ARHGAP15: variants seen among roughly 807,000 people sequenced by gnomAD.
ARHGAP15 encodes Rho GTPase activating protein 15, also known as rho GTPase-activating protein 15.
ARHGAP15 carries 51 observed loss-of-function variants against 63.7 expected under a neutral mutation model. The ratio of observed to expected loss-of-function variants is 0.80; its 90% CI spans 0.64 to 1.01. The LOEUF (loss-of-function observed/expected upper bound fraction) is 1.01. Among genes scored for constraint, ARHGAP15 ranks in the 50% least tolerant of loss-of-function variants. The probability of loss-of-function intolerance (pLI) is 0.00; values close to 1 mark genes in which losing one functional copy is unlikely to be tolerated. For missense variants in ARHGAP15, 560 were observed against 564.6 expected (o/e 0.99, Z 0.08); for synonymous variants, 191 against 193.8 (o/e 0.99, Z 0.12).
chr2:143,347,828 T>G (rs1011811277), intron 6 of ARHGAP15, among the ~76,000 whole-genome samples: 5 of 151,966 alleles, frequency 3.3e-5, no homozygotes, highest in African/African-American at 1.2e-4. Context: ...TTTTTTTTTT[T>G]TTTGGCACCA....
At chr2:143,349,568 C>T (rs943672093) in intron 6 of ARHGAP15, among the ~76,000 whole-genome samples, 1 of 152,136 alleles carries the variant, frequency 6.6e-6, no homozygotes, top group African/African-American at 2.4e-5. Context: ...CCAATTAATG[C>T]ATTCTATTTT....
chr2:143,401,434 G>A (rs771270858), intron 6 of ARHGAP15, among the ~76,000 whole-genome samples: 3 of 151,742 alleles, frequency 2.0e-5, no homozygotes, highest in Non-Finnish European at 4.4e-5. Flanking sequence ...ATTCCATGTG[G>A]GAATATTACA....
chr2:143,544,127 C>G (rs11694505), intron 10 of ARHGAP15, among the ~76,000 whole-genome samples: 38,590 of 152,030 alleles, frequency 0.25, 5,439 homozygotes, highest in East Asian at 0.42. Flanking sequence ...CTTTTCAGCT[C>G]TATTCCAGAT....
At chr2:143,478,518 A>G (rs2105207434) in intron 8 of ARHGAP15, among the ~76,000 whole-genome samples, 1 of 152,288 alleles carries the variant, frequency 6.6e-6, no homozygotes, top group East Asian at 1.9e-4. Flanking sequence ...AGGGCAGGGA[A>G]TCAGACACCA....
At chr2:143,738,372 C>G (rs1685835803) in intron 13 of ARHGAP15, among the ~76,000 whole-genome samples, 1 of 152,140 alleles carries the variant, frequency 6.6e-6, no homozygotes, top group African/African-American at 2.4e-5. Context: ...CGAATAAAGG[C>G]ACATTTCAAT....
intron 2 of ARHGAP15, among the ~76,000 whole-genome samples, chr2:143,184,190 T>A (rs1352406718): frequency 6.6e-6 from 1 of 152,192 alleles, no homozygotes; most frequent in South Asian, 2.1e-4. Flanking sequence ...GGCAAGATTC[T>A]TGGTGAGGCA....
intron 11 of ARHGAP15, among the ~76,000 whole-genome samples, chr2:143,593,731 A>G (rs892998273): frequency 6.6e-6 from 1 of 152,218 alleles, no homozygotes; most frequent in Non-Finnish European, 1.5e-5. Context: ...AGATAAAACT[A>G]TTTATTGAGT....
intron 12 of ARHGAP15, among the ~76,000 whole-genome samples, chr2:143,636,834 A>C (rs1680341432): frequency 6.6e-6 from 1 of 152,096 alleles, no homozygotes; most frequent in South Asian, 2.1e-4. Context: ...CTATAGCAAA[A>C]TACCAGAGAG....
intron 6 of ARHGAP15, among the ~76,000 whole-genome samples, chr2:143,315,014 T>C (rs1346500661): frequency 6.6e-6 from 1 of 152,260 alleles, no homozygotes; most frequent in Non-Finnish European, 1.5e-5. Flanking sequence ...TCTTTATTTT[T>C]ATGTATGTAT....
At chr2:143,678,009 A>T (rs552807140) in intron 12 of ARHGAP15, among the ~76,000 whole-genome samples, 110 of 152,302 alleles carry the variant, frequency 7.2e-4, no homozygotes, top group Non-Finnish European at 1.3e-3. Flanking sequence ...GGAGTCCAAG[A>T]CCAGCCTGGG....
intron 6 of ARHGAP15, among the ~76,000 whole-genome samples, chr2:143,422,657 G>A (rs916052516): frequency 2.0e-5 from 3 of 152,072 alleles, no homozygotes; most frequent in East Asian, 1.9e-4. Flanking sequence ...TGCCTTGAAC[G>A]CAAGTATGGA....
chr2:143,327,498 A>G (rs1684310057), intron 6 of ARHGAP15, among the ~76,000 whole-genome samples: 1 of 152,210 alleles, frequency 6.6e-6, no homozygotes, highest in African/African-American at 2.4e-5. Flanking sequence ...TTCAAACTAT[A>G]CTACAAGGCT....
At chr2:143,309,314 T>G (rs1683329494) in intron 6 of ARHGAP15, among the ~76,000 whole-genome samples, 1 of 152,074 alleles carries the variant, frequency 6.6e-6, no homozygotes, top group South Asian at 2.1e-4. Flanking sequence ...TTGCAGCTGT[T>G]GGCTCTGCTG....
chr2:143,704,813 T>C (rs1305006746), intron 13 of ARHGAP15, among the ~76,000 whole-genome samples: 1 of 152,196 alleles, frequency 6.6e-6, no homozygotes, highest in African/African-American at 2.4e-5. Flanking sequence ...CTACAGATTA[T>C]TCAACTAATC....
At chr2:143,718,322 G>C (rs1041276811) in intron 13 of ARHGAP15, among the ~76,000 whole-genome samples, 1 of 152,082 alleles carries the variant, frequency 6.6e-6, no homozygotes. Flanking sequence ...GAGTCCCTAG[G>C]GGGCAAAGAA....
rs369390135 is a variant in ARHGAP15 at position 143,255,821 on chromosome 2, T to C, written c.474+5221T>C. Among the ~76,000 whole-genome samples the C allele has an allele frequency of 2.6e-4, 40 of 152,136 alleles. 1 individual carries two copies. Among genetic ancestry groups the C allele is most frequent in the African/African-American group, 9.4e-4 (39 of 41,434 alleles). ...ATTTCCAGTAAAGCTGGTTTCACTT[T>C]AGAGAATTAAAGTATCTTAAAAGAC... is the stretch of plus-strand genomic sequence containing the variant. On this transcript the variant is annotated intron_variant, in intron 6 of 13. Coordinates refer to ENST00000295095, the MANE Select transcript of ARHGAP15 (RefSeq NM_018460.4).
At chr2:143,165,960 GAGAAAGAAAGAA>G (rs778728158) in intron 2 of ARHGAP15, among the ~76,000 whole-genome samples, 23 of 93,648 alleles carry the variant, frequency 2.5e-4, no homozygotes, top group Middle Eastern at 0.01. Context: ...GAAAGAAAGA[GAGAAAGAAAGAA>G]AGAAAGAAAG....
intron 12 of ARHGAP15, among the ~76,000 whole-genome samples, chr2:143,664,187 C>A (rs555505754): frequency 6.6e-6 from 1 of 152,010 alleles, no homozygotes; most frequent in Non-Finnish European, 1.5e-5. Flanking sequence ...CCTCAGCAAA[C>A]GTAAAAGAAC....
At chr2:143,697,577 G>A (rs1012167393) in intron 12 of ARHGAP15, among the ~76,000 whole-genome samples, 1 of 152,098 alleles carries the variant, frequency 6.6e-6, no homozygotes, top group Non-Finnish European at 1.5e-5. Context: ...TGGATATACC[G>A]ATTTTCTTAT....
Sources: gnomAD v4.1 joint callset for allele counts (sites outside exome capture counted in the v4.1 genomes callset) on GRCh38, gnomAD v4.1.1 for gene constraint, MANE v1.5 for transcripts, NCBI Gene and HGNC (gene_info 2026-07-23, HGNC 2026-07-21) for gene names.